LIX1: variants seen among roughly 807,000 people sequenced by gnomAD.
LIX1 encodes protein limb expression 1 homolog.
LIX1 carries 24 observed loss-of-function variants against 33.4 expected under a neutral mutation model. The observed-to-expected ratio is 0.72, with a 90% CI of 0.52 to 1.01. LIX1 has a LOEUF of 1.01. Ranked by LOEUF, LIX1 falls within the 50% of genes least tolerant of loss-of-function variation. The probability of loss-of-function intolerance (pLI) is 0.00; values close to 1 mark genes in which losing one functional copy is unlikely to be tolerated. For synonymous variants in LIX1, 124 were observed against 124.0 expected, an observed-to-expected ratio of 1.00 and a Z score of 0.00; for missense variants, 311 against 339.2, an observed-to-expected ratio of 0.92 and a Z score of 0.65.
chr5:97,131,096 G>A (rs765038724), intron 1 of LIX1, among the ~76,000 whole-genome samples: 1 of 152,224 alleles, frequency 6.6e-6, no homozygotes, highest in East Asian at 1.9e-4. Flanking sequence ...TATTATAAAG[G>A]TCAGCATTGA....
chr5:97,100,330 A>G (rs1412923974), intron 4 of LIX1, among the ~76,000 whole-genome samples: 1 of 151,998 alleles, frequency 6.6e-6, no homozygotes, highest in African/African-American at 2.4e-5. Flanking sequence ...TTTCTATCCC[A>G]TCACGAAGCA....
intron 1 of LIX1, 23 bp downstream of exon 1, chr5:97,142,472 A>G: frequency 6.3e-7 from 1 of 1,587,536 alleles, no homozygotes; most frequent in Non-Finnish European, 8.6e-7. Context: ...AAGTCAAAAA[A>G]CTTTTCCCCC....
intron 5 of LIX1, among the ~76,000 whole-genome samples, chr5:97,095,928 A>G (rs1258903711): frequency 6.6e-6 from 1 of 152,206 alleles, no homozygotes; most frequent in Non-Finnish European, 1.5e-5. Context: ...AACAAAACCA[A>G]AGCCATTGTC....
intron 1 of LIX1, among the ~76,000 whole-genome samples, chr5:97,137,746 T>C (rs536027689): frequency 8.5e-5 from 13 of 152,178 alleles, no homozygotes; most frequent in Non-Finnish European, 1.6e-4. Flanking sequence ...TTAAACTGTA[T>C]TTTTTCAGGG....
chr5:97,137,245 C>A, intron 1 of LIX1: 1 of 327,098 alleles, frequency 3.1e-6, no homozygotes, highest in Non-Finnish European at 6.1e-6. Context: ...GATGGGAGAG[C>A]AGTCAATGAA....
Position 97,107,483 on chromosome 5 carries a change from G to A in LIX1, c.264C>T (p.Ala88=), listed in dbSNP as rs536009189. The change falls in exon 3 of 6, where the codon GCC becomes GCT. Residue 88 remains alanine, a synonymous_variant. Coordinates refer to ENST00000274382, the MANE Select transcript of LIX1 (RefSeq NM_153234.5). ...FGNFQCCLSR[A]EARRDAAKVA... ...CTTTAGCTGCATCCCGCCTGGCCTC[G>A]GCTCTACTTAAGCAGCACTTGAGAA... The A allele has an allele frequency of 1.3e-4, 210 of 1,613,958 alleles. 3 individuals are homozygous for A. The South Asian group carries it at 1.8e-3, about 14-fold the overall frequency.
At position 97,092,993 on chromosome 5, in the gene LIX1, T is replaced by C. The variant is rs1477226735; in HGVS notation, c.*1755A>G. The C allele has an allele frequency of 6.6e-6, 1 of 152,334 alleles. No individual in the cohort carries two copies. The highest frequency in any genetic ancestry group is 2.4e-5 in the African/African-American group (1 of 41,440). 9.4% of individuals were successfully genotyped at this position (152,334 alleles called of 1,614,324 possible). On this transcript the variant is annotated 3_prime_UTR_variant, in exon 6 of 6. Transcript: ENST00000274382. ...CTTTCGTGGGTGACATTTAGCCTCA[T>C]TGTGGAGAGGAATGTAACTTTTGTT...
chr5:97,127,194 C>T (rs1580242085), intron 1 of LIX1, among the ~76,000 whole-genome samples: 1 of 152,138 alleles, frequency 6.6e-6, no homozygotes, highest in Non-Finnish European at 1.5e-5. Context: ...TAGCCTCCTA[C>T]TTTGTCAGTC....
At chr5:97,115,537 A>T (rs1376008903) in intron 2 of LIX1, among the ~76,000 whole-genome samples, 1 of 152,220 alleles carries the variant, frequency 6.6e-6, no homozygotes, top group Non-Finnish European at 1.5e-5. Flanking sequence ...TCCCAACTAC[A>T]GTGCTTTCTT....
intron 2 of LIX1, among the ~76,000 whole-genome samples, chr5:97,111,950 A>G (rs1747418624): frequency 6.6e-6 from 1 of 152,198 alleles, no homozygotes; most frequent in South Asian, 2.1e-4. Flanking sequence ...TTATTATTTC[A>G]ATGTACAGAA....
intron 2 of LIX1, among the ~76,000 whole-genome samples, chr5:97,107,794 A>G (rs930907858): frequency 5.9e-5 from 9 of 152,224 alleles, no homozygotes; most frequent in Admixed American, 2.6e-4. Context: ...TAAATTAATA[A>G]TGGCTATTAT....
At chr5:97,114,487 A>G (rs1345096811) in intron 2 of LIX1, among the ~76,000 whole-genome samples, 1 of 152,224 alleles carries the variant, frequency 6.6e-6, no homozygotes, top group African/African-American at 2.4e-5. Flanking sequence ...AGGGTACACT[A>G]TAAAGATTGC....
At chr5:97,141,684 CTTTTGGGCAG>C (rs1286787566) in intron 1 of LIX1, among the ~76,000 whole-genome samples, 1 of 152,038 alleles carries the variant, frequency 6.6e-6, no homozygotes. Context: ...TGCATTTTAC[CTTTTGGGCAG>C]TTCTATTTCA....
At chr5:97,103,991 A>G (rs1746876884) in intron 4 of LIX1, among the ~76,000 whole-genome samples, 3 of 152,058 alleles carry the variant, frequency 2.0e-5, no homozygotes, top group Admixed American at 2.0e-4. Context: ...AAAAAAAAGA[A>G]AAACTAAGAT....
chr5:97,098,692 C>A (rs1410511725), intron 4 of LIX1, among the ~76,000 whole-genome samples: 1 of 152,092 alleles, frequency 6.6e-6, no homozygotes, highest in African/African-American at 2.4e-5. Context: ...TGAGACCAGT[C>A]TGGGCAACAT....
At chr5:97,107,876 A>G (rs1018686843) in intron 2 of LIX1, among the ~76,000 whole-genome samples, 3 of 152,208 alleles carry the variant, frequency 2.0e-5, no homozygotes, top group Non-Finnish European at 2.9e-5. Flanking sequence ...AAATGTAAGG[A>G]AAGGAGAAAA....
At chr5:97,108,688 G>C (rs1747203574) in intron 2 of LIX1, among the ~76,000 whole-genome samples, 1 of 152,108 alleles carries the variant, frequency 6.6e-6, no homozygotes, top group Non-Finnish European at 1.5e-5. Context: ...GTCCAGGCCT[G>C]GGTCCTGGTC....
At chr5:97,100,503 T>C (rs757791586) in intron 4 of LIX1, among the ~76,000 whole-genome samples, 1 of 152,238 alleles carries the variant, frequency 6.6e-6, no homozygotes, top group Non-Finnish European at 1.5e-5. Context: ...TTATATAAAG[T>C]ATATTTAAAT....
intron 1 of LIX1, among the ~76,000 whole-genome samples, chr5:97,129,752 C>T (rs1036642212): frequency 6.6e-6 from 1 of 152,108 alleles, no homozygotes; most frequent in African/African-American, 2.4e-5. Flanking sequence ...TATATCATTT[C>T]CCCACAACCC....
Sources: allele counts gnomAD v4.1 joint callset (sites outside exome capture counted in the v4.1 genomes callset), GRCh38; gene constraint gnomAD v4.1.1; transcripts MANE v1.5; gene names NCBI Gene and HGNC (gene_info 2026-07-23, HGNC 2026-07-21).